PWP1: variants seen among roughly 807,000 people sequenced by gnomAD.
PWP1 encodes the protein periodic tryptophan protein 1 homolog.
Under a neutral mutation model 69.9 loss-of-function variants are expected in PWP1, and 47 were observed. The observed-to-expected ratio is 0.67, with a 90% CI of 0.53 to 0.86. The LOEUF (loss-of-function observed/expected upper bound fraction) is 0.86. Ranked by LOEUF, PWP1 falls within the 40% of genes least tolerant of loss-of-function variation. The pLI is 0.00. For synonymous variants in PWP1, 222 were observed against 208.2 expected, an observed-to-expected ratio of 1.07 and a Z score of -0.57; for missense variants, 551 against 608.8, an observed-to-expected ratio of 0.91 and a Z score of 1.00.
At position 107,696,594 on chromosome 12, in the gene PWP1, AAACTT is replaced by A; in HGVS notation, c.613+13_613+17del. 1.2e-6 allele frequency: 2 copies of A among 1,613,856 alleles called. No homozygotes were observed. The highest frequency in any genetic ancestry group is 1.7e-6 in the Non-Finnish European group (2 of 1,179,924). ...CCAGATGATTCTACTGGTAATTAGA[AAACTT>A]AAGGTTGTTCAATGATTTCCAGTCT... On this transcript the variant is annotated intron_variant, in intron 6 of 14. Transcript: ENST00000412830.
Position 107,685,806 on chromosome 12 carries a change from C to T in PWP1, c.-94C>T, listed in dbSNP as rs78019596. The T allele has an allele frequency of 3.2e-4, 447 of 1,388,592 alleles. 1 individual carries two copies. In the African/African-American group the frequency reaches 5.7e-3, roughly 18 times the overall value. The allele number at this position is 1,388,592 out of a possible 1,614,324, so 86.0% of individuals were successfully genotyped here. A position where few individuals can be genotyped will look rare whatever the true frequency, so the allele number is the denominator to read the frequency against. ...CATGCGCTCTGCCCTGGCAGCGGCC[C>T]TGTGCAGATCCCTGAGCGTGTGGCA... On this transcript the variant is annotated 5_prime_UTR_variant, in exon 1 of 15. Coordinates refer to ENST00000412830, the MANE Select transcript of PWP1 (RefSeq NM_007062.3).
chr12:107,686,347 G>A (rs931851240), intron 1 of PWP1, among the ~76,000 whole-genome samples: 4 of 152,190 alleles, frequency 2.6e-5, no homozygotes, highest in African/African-American at 9.6e-5. Flanking sequence ...AGCATAACTG[G>A]GAAGAGAGCA....
Position 107,688,344 on chromosome 12 carries a change from T to C in PWP1, c.73-104T>C, listed in dbSNP as rs1317984988. ...ATGTTTGATTCTTATCTTGATGACA[T>C]TGCTTGGCGTTACATTTTACATTTG... On this transcript the variant is annotated intron_variant, in intron 1 of 14. Coordinates refer to ENST00000412830, the MANE Select transcript of PWP1 (RefSeq NM_007062.3). 5.6e-6 allele frequency: 5 copies of C among 887,134 alleles called. No individual in the cohort carries two copies. In the Admixed American group the frequency reaches 9.0e-5, roughly 16 times the overall value. 55.0% of individuals were successfully genotyped at this position (887,134 alleles called of 1,614,324 possible). A position where few individuals can be genotyped will look rare whatever the true frequency, so the allele number is the denominator to read the frequency against.
At chr12:107,705,049 GTTTT>G (rs964425561) in intron 11 of PWP1, among the ~76,000 whole-genome samples, 10 of 150,976 alleles carry the variant, frequency 6.6e-5, no homozygotes, top group African/African-American at 2.4e-4. Context: ...AGTATTTTTT[GTTTT>G]TTTTAATGGC....
rs1192954246 is a variant in PWP1, at chr12:107,693,322, A to G, written c.502+226A>G. Among the ~76,000 whole-genome samples the G allele has an allele frequency of 2.0e-5, 3 of 152,046 alleles. No individual in the cohort carries two copies. The East Asian group carries it at 5.8e-4, about 29-fold the overall frequency. ...TTTTCTATGGAAATAAATCCCCTGG[A>G]AATTTTTCATAGGGGTGTTTTTTTT... On this transcript the variant is annotated intron_variant, in intron 5 of 14. Transcript: ENST00000412830.
chr12:107,711,654 T>G (rs1889954716), intron 14 of PWP1, among the ~76,000 whole-genome samples: 1 of 152,180 alleles, frequency 6.6e-6, no homozygotes, highest in African/African-American at 2.4e-5. Context: ...AACACAGAGA[T>G]AATATATATA....
At chr12:107,694,278 C>G (rs1357250910) in intron 5 of PWP1, among the ~76,000 whole-genome samples, 1 of 152,196 alleles carries the variant, frequency 6.6e-6, no homozygotes, top group Non-Finnish European at 1.5e-5. Context: ...ATACTCTCCT[C>G]CCCCAGCAGT....
chr12:107,696,578 T>G lies in PWP1; in HGVS notation c.607T>G (p.Ser203Ala), dbSNP rs550084338. 6.2e-7 allele frequency: 1 copy of G among 1,614,092 alleles called. No homozygotes were observed. Among genetic ancestry groups the G allele is most frequent in the East Asian group, 2.2e-5 (1 of 44,856 alleles). ...GAATTTTGATCCTAGCCCAGATGAT[T>G]CTACTGGTAATTAGAAAACTTAAGG... Reference protein sequence around the residue: ...WLNFDPSPDDSTGNYIAVGNM... With the variant: ...WLNFDPSPDDATGNYIAVGNM... The change falls in exon 6 of 15, where the codon TCT becomes GCT. Residue 203 changes from serine (S) to alanine (A), a missense_variant. Transcript: ENST00000412830.
chr12:107,709,343 G>A (rs967091035), intron 13 of PWP1, 111 bp downstream of exon 13: 1 of 1,330,932 alleles, frequency 7.5e-7, no homozygotes, highest in African/African-American at 1.5e-5. Flanking sequence ...TAACAAATAT[G>A]GATGTGTTGG....
chr12:107,686,662 C>T (rs536899372), intron 1 of PWP1, among the ~76,000 whole-genome samples: 83 of 152,276 alleles, frequency 5.5e-4, no homozygotes, highest in African/African-American at 1.9e-3. Flanking sequence ...CTGGGATAGG[C>T]ATGAACAAAA....
chr12:107,686,043 A>G, intron 1 of PWP1, 72 bp downstream of exon 1: 3 of 1,545,164 alleles, frequency 1.9e-6, no homozygotes, highest in Admixed American at 3.4e-5. Context: ...AGCTGGGGGA[A>G]CGTGGACCCG....
In PWP1 at chr12:107,697,434, G is replaced by C. The variant is rs181301417; in HGVS notation, c.614-33G>C. 1.1e-4 allele frequency: 166 copies of C among 1,533,976 alleles called. 1 individual carries two copies. The East Asian group carries it at 3.7e-3, about 34-fold the overall frequency. ...TTAGAAGTTCTGTATGTCTTTTTTTGTGTAATCATACATGCATTGTTTCCT... is the reference window on the plus strand; with the variant it reads ...TTAGAAGTTCTGTATGTCTTTTTTTCTGTAATCATACATGCATTGTTTCCT... On this transcript the variant is annotated intron_variant, in intron 6 of 14. Coordinates refer to ENST00000412830, the MANE Select transcript of PWP1 (RefSeq NM_007062.3).
In PWP1 at chr12:107,694,988, A is replaced by G. The variant is rs141781350; in HGVS notation, c.503-1486A>G. Among the ~76,000 whole-genome samples, 320 of 151,628 alleles carry G rather than the reference A, an allele frequency of 2.1e-3. 1 individual carries two copies. The highest frequency in any genetic ancestry group is 7.4e-3 in the African/African-American group (307 of 41,320). ...TTATTACCAGTTGCTGGGCGTAGTG[A>G]CTCATGCTTGTAATCCCAGCAATTT... On this transcript the variant is annotated intron_variant, in intron 5 of 14. Coordinates refer to ENST00000412830, the MANE Select transcript of PWP1 (RefSeq NM_007062.3).
At chr12:107,689,745 C>G (rs1475504467) in intron 3 of PWP1, among the ~76,000 whole-genome samples, 1 of 151,696 alleles carries the variant, frequency 6.6e-6, no homozygotes, top group Non-Finnish European at 1.5e-5. Context: ...GACTCCATCT[C>G]AAAAAGAAAA....
chr12:107,694,759 G>T (rs1475431664), intron 5 of PWP1, among the ~76,000 whole-genome samples: 2 of 151,896 alleles, frequency 1.3e-5, no homozygotes, highest in Non-Finnish European at 2.9e-5. Flanking sequence ...TTGAACTCAG[G>T]ATCAAAGAGG....
At position 107,712,651 on chromosome 12, in the gene PWP1, A is replaced by ACTTT. The variant is rs1002374462; in HGVS notation, c.*433_*436dup. ...CAGAGGCAAGTGCCCCAGAGACTCC[A>ACTTT]CTTTCATTCCTAACTGTTCTCAAAT... On this transcript the variant is annotated 3_prime_UTR_variant, in exon 15 of 15. Transcript: ENST00000412830. The ACTTT allele has an allele frequency of 1.3e-5, 2 of 154,188 alleles. No individual in the cohort carries two copies. The highest frequency in any genetic ancestry group is 4.8e-5 in the African/African-American group (2 of 41,488). The allele number at this position is 154,188 out of a possible 1,614,324, so 9.6% of individuals were successfully genotyped here.
At chr12:107,701,354 C>T (rs1238641933) in intron 8 of PWP1, among the ~76,000 whole-genome samples, 2 of 152,100 alleles carry the variant, frequency 1.3e-5, no homozygotes, top group African/African-American at 4.8e-5. Context: ...ACTCCTACTA[C>T]CAAATACATG....
intron 13 of PWP1, 85 bp from the exon 14 acceptor site, chr12:107,710,318 CAT>C: frequency 2.0e-6 from 3 of 1,538,220 alleles, no homozygotes; most frequent in Non-Finnish European, 2.6e-6. Flanking sequence ...CCATTTAAAT[CAT>C]AGATTCTTAG....
intron 10 of PWP1, 126 bp downstream of exon 10, chr12:107,703,872 C>T (rs1167134243): frequency 2.4e-6 from 2 of 832,780 alleles, no homozygotes; most frequent in African/African-American, 1.7e-5. Context: ...ATTATTTGCA[C>T]TACTTATTTT....
Sources: allele counts gnomAD v4.1 joint callset (sites outside exome capture counted in the v4.1 genomes callset), GRCh38; gene constraint gnomAD v4.1.1; transcripts MANE v1.5; gene names NCBI Gene and HGNC (gene_info 2026-07-23, HGNC 2026-07-21).